SPART: variants seen among roughly 807,000 people sequenced by gnomAD.
The protein encoded by SPART is spartin.
A neutral mutation model predicts 58.7 loss-of-function variants in SPART; 35 were observed. The ratio of observed to expected loss-of-function variants is 0.60; its 90% CI spans 0.46 to 0.79. The LOEUF (loss-of-function observed/expected upper bound fraction) is 0.79, where lower values mean the gene tolerates loss of function less well. Among genes scored for constraint, SPART ranks in the 30% least tolerant of loss-of-function variants. The probability of loss-of-function intolerance (pLI) is 0.00; values close to 1 mark genes in which losing one functional copy is unlikely to be tolerated. For missense variants in SPART, 730 were observed against 786.1 expected, an observed-to-expected ratio of 0.93 and a Z score of 0.85; for synonymous variants, 284 against 280.7, an observed-to-expected ratio of 1.01 and a Z score of -0.12.
chr13:36,324,296 G>A (rs1882698145), intron 5 of SPART, among the ~76,000 whole-genome samples: 1 of 152,192 alleles, frequency 6.6e-6, no homozygotes, highest in Admixed American at 6.5e-5. Flanking sequence ...TTTGCTGGAT[G>A]ATTCACATTT....
In SPART at chr13:36,316,170, A is replaced by T. The variant is rs928201817; in HGVS notation, c.1289-1749T>A. Reference sequence around the variant, plus strand: ...TGAACGTTTGCTGAATAAATGAGACATTGGCAGATATTAAAATTCCCTAAC... The same window carrying T: ...TGAACGTTTGCTGAATAAATGAGACTTTGGCAGATATTAAAATTCCCTAAC... On this transcript the variant is annotated intron_variant, in intron 5 of 8. Coordinates refer to ENST00000438666, the MANE Select transcript of SPART (RefSeq NM_015087.5). 1.3e-5 allele frequency among the ~76,000 whole-genome samples: 2 copies of T among 152,344 alleles called. 1 individual carries two copies. Among genetic ancestry groups the T allele is most frequent in the Admixed American group, 1.3e-4 (2 of 15,308 alleles).
intron 8 of SPART, among the ~76,000 whole-genome samples, chr13:36,309,487 G>T (rs1031526383): frequency 6.6e-6 from 1 of 151,960 alleles, no homozygotes; most frequent in Non-Finnish European, 1.5e-5. Flanking sequence ...ATCAACCTAG[G>T]TACCCATCAA....
intron 1 of SPART, among the ~76,000 whole-genome samples, chr13:36,366,190 G>A (rs184475770): frequency 2.0e-5 from 3 of 152,232 alleles, no homozygotes; most frequent in East Asian, 1.9e-4. Context: ...ACTCAGCGCC[G>A]CCTCTCTTTC....
chr13:36,332,579 A>G (rs1330028294), intron 2 of SPART, among the ~76,000 whole-genome samples: 1 of 152,246 alleles, frequency 6.6e-6, no homozygotes, highest in Admixed American at 6.5e-5. Flanking sequence ...ACTAAACCCA[A>G]GAGAACCTGA....
Position 36,335,027 on chromosome 13 carries a change from A to C in SPART, c.804T>G (p.Phe268Leu). The C allele has an allele frequency of 6.2e-7, 1 of 1,613,832 alleles. No homozygotes were observed. Among genetic ancestry groups the C allele is most frequent in the East Asian group, 2.2e-5 (1 of 44,870 alleles). The change falls in exon 2 of 9, where the codon TTT becomes TTG. Residue 268 changes from phenylalanine to leucine, a missense_variant. Transcript: ENST00000438666. ...TCATTTTTCTTTCGCTTACCTGAAG[A>C]AACCCGGGAGGACGGTTTAGAACCG... ...LDTVLNRPPG[F>L]LQVCDWLYPL...
chr13:36,362,194 T>C (rs192968706), intron 1 of SPART, among the ~76,000 whole-genome samples: 11 of 152,034 alleles, frequency 7.2e-5, no homozygotes, highest in Admixed American at 7.2e-4. Flanking sequence ...CTACTACAAG[T>C]ACAAAAATTA....
rs1339815833 is a variant in SPART, at chr13:36,359,801, G to A, written c.-3+10288C>T. Among the ~76,000 whole-genome samples the A allele has an allele frequency of 4.6e-5, 7 of 151,812 alleles. No homozygotes were observed. The South Asian group carries it at 8.3e-4, about 18-fold the overall frequency. ...TTGGGCAAGTTTGCTGTATTCATCTGTGTCATCTGTGTCCTCACTGCTAAA... is the reference window on the plus strand; with the variant it reads ...TTGGGCAAGTTTGCTGTATTCATCTATGTCATCTGTGTCCTCACTGCTAAA... On this transcript the variant is annotated intron_variant, in intron 1 of 8. Transcript: ENST00000355182.
In SPART at chr13:36,304,473, A is replaced by C; in HGVS notation, c.1893T>G (p.Val631=). 1 of 1,614,080 alleles carries C rather than the reference A, an allele frequency of 6.2e-7. No homozygotes were observed. Among genetic ancestry groups the C allele is most frequent in the South Asian group, 1.1e-5 (1 of 91,076 alleles). Residue 631 remains valine (V), a synonymous_variant, in exon 9 of 9, where the codon GTT becomes GTG. Coordinates refer to ENST00000438666, the MANE Select transcript of SPART (RefSeq NM_015087.5). ...CTTGATTTTCCCTCTGAGAATTATCAACTATCTGATAGTCCTCAAGGAGAG... is the reference window on the plus strand; with the variant it reads ...CTTGATTTTCCCTCTGAGAATTATCCACTATCTGATAGTCCTCAAGGAGAG... The part of the protein sequence containing the change: ...GHTLLEDYQI[V]DNSQRENQEG...
chr13:36,330,469 G>A (rs1367868821), intron 3 of SPART, among the ~76,000 whole-genome samples: 1 of 151,792 alleles, frequency 6.6e-6, no homozygotes, highest in Admixed American at 6.6e-5. Context: ...CCACACCTTC[G>A]TGGTCTCCTG....
At chr13:36,354,576 A>G (rs1199246537) in intron 1 of SPART, among the ~76,000 whole-genome samples, 1 of 152,264 alleles carries the variant, frequency 6.6e-6, no homozygotes, top group Non-Finnish European at 1.5e-5. Context: ...TGCTAAAAGA[A>G]TTAAGCATGC....
chr13:36,367,036 G>A (rs1188695123), intron 1 of SPART, among the ~76,000 whole-genome samples: 2 of 152,174 alleles, frequency 1.3e-5, no homozygotes, highest in Admixed American at 1.3e-4. Flanking sequence ...GCCGGAAGTA[G>A]CCGGAAAGAT....
At chr13:36,312,077 C>T in intron 8 of SPART, 68 bp downstream of exon 8, 1 of 1,466,554 alleles carries the variant, frequency 6.8e-7, no homozygotes, top group African/African-American at 1.4e-5. Flanking sequence ...ACAAGAGAAA[C>T]TCCCTCTCAG....
At position 36,340,829 on chromosome 13, in the gene SPART, A is replaced by T. The variant is rs577074405; in HGVS notation, c.-2-4997T>A. On this transcript the variant is annotated intron_variant, in intron 1 of 8. Coordinates refer to ENST00000438666, the MANE Select transcript of SPART (RefSeq NM_015087.5). ...ATTCAGGGTTCCATTAGTAATAATTAAAAACTAAGGATTAACTCTAGGGAA... is the reference window on the plus strand; with the variant it reads ...ATTCAGGGTTCCATTAGTAATAATTTAAAACTAAGGATTAACTCTAGGGAA... Among the ~76,000 whole-genome samples, 9 of 152,376 alleles carry T rather than the reference A, an allele frequency of 5.9e-5. No homozygotes were observed. The South Asian group carries it at 1.9e-3, about 32-fold the overall frequency.
In SPART at chr13:36,314,278, A is replaced by G. The variant is rs772667479; in HGVS notation, c.1432T>C (p.Tyr478His). Residue 478 changes from tyrosine to histidine, a missense_variant, in exon 6 of 9, where the codon TAT (tyrosine) becomes CAT (histidine). Coordinates refer to ENST00000438666, the MANE Select transcript of SPART (RefSeq NM_015087.5). ...CCTCCTGTAGCTTGCTTCGCTATAT[A>G]AAGTCCCTTGGTGACAGCTGGACTA... ...EVSPAVTKGL[Y>H]IAKQATGGAA... is the part of the protein sequence containing the mutation. The G allele has an allele frequency of 1.9e-6, 3 of 1,614,134 alleles. No homozygotes were observed. The highest frequency in any genetic ancestry group is 1.7e-5 in the Admixed American group (1 of 60,026).
At position 36,312,426 on chromosome 13, in the gene SPART, T is replaced by A. The variant is rs1478402426; in HGVS notation, c.1535A>T (p.His512Leu). The stretch of plus-strand genomic sequence containing the variant: ...AAGTTTGCTTCCATGCTTCTTGACA[T>A]GTGGAGCTAGTTCTTTTCCAACGCA... ...ANCVGKELAP[H>L]VKKHGSKLVP... Residue 512 changes from histidine (H) to leucine (L), a missense_variant, in exon 7 of 9, where the codon CAT becomes CTT. Transcript: ENST00000438666. 5.0e-6 allele frequency: 8 copies of A among 1,614,038 alleles called. No individual in the cohort carries two copies. In the Admixed American group the frequency reaches 6.7e-5, roughly 13 times the overall value.
rs1280049287 is a variant in SPART at position 36,335,700 on chromosome 13, T to C, written c.131A>G (p.Asn44Ser). 6 of 1,614,206 alleles carry C rather than the reference T, an allele frequency of 3.7e-6. No individual in the cohort carries two copies. In the South Asian group the frequency reaches 6.6e-5, roughly 18 times the overall value. Reference protein sequence around the residue: ...DELGQKEEAKNYYKQGIGHLL... With the variant: ...DELGQKEEAKSYYKQGIGHLL... The stretch of plus-strand genomic sequence containing the variant: ...GTGTCCTATTCCTTGCTTATAGTAG[T>C]TCTTTGCTTCTTCCTTCTGACCTAA... The change falls in exon 2 of 9, where the codon AAC (asparagine) becomes AGC (serine). Residue 44 changes from asparagine to serine, a missense_variant. Transcript: ENST00000438666.
intron 1 of SPART, chr13:36,368,151 A>G (rs1326812970): frequency 8.8e-6 from 4 of 455,218 alleles, no homozygotes; most frequent in African/African-American, 8.1e-5. Flanking sequence ...TAAACATGTC[A>G]ACAAAAAATA....
At position 36,363,809 on chromosome 13, in the gene SPART, G is replaced by A. The variant is rs551758984; in HGVS notation, c.-3+6280C>T. 3.3e-5 allele frequency among the ~76,000 whole-genome samples: 5 copies of A among 150,210 alleles called. No individual in the cohort carries two copies. In the East Asian group the frequency reaches 5.9e-4, roughly 18 times the overall value. On this transcript the variant is annotated intron_variant, in intron 1 of 8. Transcript: ENST00000355182. The stretch of plus-strand genomic sequence containing the variant: ...TGTTTTTGTTTTTACTTTTTATTTT[G>A]AGACAAATACTATAATAAGATGCAC...
At chr13:36,362,369 A>AAC (rs1337528406) in intron 1 of SPART, among the ~76,000 whole-genome samples, 1 of 149,774 alleles carries the variant, frequency 6.7e-6, no homozygotes, top group Admixed American at 6.7e-5. Context: ...AAAAAAAAAT[A>AAC]CCCATGTTAT....
Sources: allele counts gnomAD v4.1 joint callset (sites outside exome capture counted in the v4.1 genomes callset), GRCh38; gene constraint gnomAD v4.1.1; transcripts MANE v1.5; gene names NCBI Gene and HGNC (gene_info 2026-07-23, HGNC 2026-07-21).